FBXL17: variants seen among roughly 807,000 people sequenced by gnomAD.
FBXL17 encodes F-box and leucine rich repeat protein 17, also known as F-box/LRR-repeat protein 17.
In FBXL17, 22 loss-of-function variants were observed where a neutral mutation model predicts 66.2. The observed-to-expected ratio is 0.33, with a 90% CI of 0.24 to 0.47. The LOEUF is 0.47. Among genes scored for constraint, FBXL17 ranks in the 20% least tolerant of loss-of-function variants. The probability of loss-of-function intolerance (pLI) is 1.00; values close to 1 mark genes in which losing one functional copy is unlikely to be tolerated. For synonymous variants in FBXL17, 474 were observed against 400.5 expected (o/e 1.18, Z -2.19); for missense variants, 878 against 948.2 (o/e 0.93, Z 0.97).
At chr5:108,250,135 C>T (rs1165368595) in intron 4 of FBXL17, among the ~76,000 whole-genome samples, 1 of 152,056 alleles carries the variant, frequency 6.6e-6, no homozygotes, top group Non-Finnish European at 1.5e-5. Context: ...GCAACTGCTA[C>T]CAATCAATTT....
At chr5:108,333,618 G>A (rs970608263) in intron 4 of FBXL17, among the ~76,000 whole-genome samples, 6 of 151,928 alleles carry the variant, frequency 3.9e-5, no homozygotes, top group Admixed American at 2.0e-4. Flanking sequence ...CAATATAACT[G>A]AAATTTTTAG....
At chr5:107,959,647 A>G (rs552093557) in intron 7 of FBXL17, among the ~76,000 whole-genome samples, 6 of 152,124 alleles carry the variant, frequency 3.9e-5, no homozygotes, top group Admixed American at 6.5e-5. Context: ...CCCAATGCAT[A>G]AAGTTTTGTC....
chr5:107,993,131 G>A (rs530175016), intron 7 of FBXL17, among the ~76,000 whole-genome samples: 1 of 152,060 alleles, frequency 6.6e-6, no homozygotes, highest in Non-Finnish European at 1.5e-5. Context: ...TCCTGACCTC[G>A]TGATCCACCC....
At chr5:107,952,620 C>A (rs550797521) in intron 7 of FBXL17, among the ~76,000 whole-genome samples, 24 of 152,182 alleles carry the variant, frequency 1.6e-4, no homozygotes, top group African/African-American at 5.8e-4. Flanking sequence ...CTCAGATAAC[C>A]CAATGACGTT....
chr5:107,901,821 G>A (rs1413249428), intron 7 of FBXL17, among the ~76,000 whole-genome samples: 1 of 152,284 alleles, frequency 6.6e-6, no homozygotes, highest in African/African-American at 2.4e-5. Flanking sequence ...GGAGATAATG[G>A]GGAAAGGTAG....
At chr5:107,912,575 C>T (rs1423869058) in intron 7 of FBXL17, among the ~76,000 whole-genome samples, 4 of 152,068 alleles carry the variant, frequency 2.6e-5, no homozygotes, top group Non-Finnish European at 2.9e-5. Context: ...GATATTTACA[C>T]TCTGATACTA....
chr5:108,001,211 C>A (rs772769667), intron 7 of FBXL17, among the ~76,000 whole-genome samples: 2 of 152,150 alleles, frequency 1.3e-5, no homozygotes, highest in South Asian at 2.1e-4. Flanking sequence ...ATGTAAAACA[C>A]CTTCAACTAC....
intron 1 of FBXL17, among the ~76,000 whole-genome samples, chr5:108,375,988 C>T (rs1749397956): frequency 2.6e-5 from 4 of 152,052 alleles, no homozygotes; most frequent in Admixed American, 2.6e-4. Flanking sequence ...ATGTAACACA[C>T]CATATTAATA....
At chr5:108,025,713 ACACACG>A in intron 6 of FBXL17, among the ~76,000 whole-genome samples, 2 of 123,968 alleles carry the variant, frequency 1.6e-5, no homozygotes, top group African/African-American at 7.3e-5. Flanking sequence ...AAACACACAC[ACACACG>A]CGCGCGCGCA....
chr5:108,344,182 G>GT (rs11404041), intron 4 of FBXL17, among the ~76,000 whole-genome samples: 14 of 51,990 alleles, frequency 2.7e-4, no homozygotes, highest in Non-Finnish European at 7.6e-4. Context: ...CTAGGGGGTC[G>GT]GGGGGGAAAG....
intron 7 of FBXL17, among the ~76,000 whole-genome samples, chr5:107,973,354 ATTTTTTTTTT>A (rs200079422): frequency 5.8e-5 from 7 of 120,436 alleles, no homozygotes; most frequent in Admixed American, 2.5e-4. Flanking sequence ...TTTTTTTGTA[ATTTTTTTTTT>A]TTTTTTTTTT....
chr5:108,128,618 A>C (rs1750808577), intron 6 of FBXL17, among the ~76,000 whole-genome samples: 1 of 152,162 alleles, frequency 6.6e-6, no homozygotes, highest in Non-Finnish European at 1.5e-5. Flanking sequence ...ATTTCTGATG[A>C]TTTGTCATGA....
chr5:108,380,803 C>T lies in FBXL17; in HGVS notation c.889G>A (p.Asp297Asn), dbSNP rs899215949. ...TCGGGGGACTCCCGACAGTCCGCGT[C>T]GCCACATTCATGCTGCTGCTGGGCG... is the stretch of plus-strand genomic sequence containing the variant. ...LSAQQQHECG[D>N]ADCRESPENP... The change falls in exon 1 of 9, where the codon GAC becomes AAC. Residue 297 changes from aspartate to asparagine, a missense_variant. By Grantham distance (23) the Asp-to-Asn change is conservative. Coordinates refer to ENST00000542267, the MANE Select transcript of FBXL17 (RefSeq NM_001163315.3). 2.4e-6 allele frequency: 3 copies of T among 1,248,242 alleles called. No homozygotes were observed. Among genetic ancestry groups the T allele is most frequent in the South Asian group, 4.1e-5 (1 of 24,494 alleles). The allele number at this position is 1,248,242 out of a possible 1,614,324, so 77.3% of individuals were successfully genotyped here.
At chr5:107,939,069 T>C (rs1396162034) in intron 7 of FBXL17, among the ~76,000 whole-genome samples, 1 of 152,114 alleles carries the variant, frequency 6.6e-6, no homozygotes, top group Non-Finnish European at 1.5e-5. Context: ...TTCCTGACTA[T>C]GTTCTGGAAG....
At chr5:108,307,922 T>C (rs1758927012) in intron 4 of FBXL17, among the ~76,000 whole-genome samples, 1 of 152,164 alleles carries the variant, frequency 6.6e-6, no homozygotes, top group Non-Finnish European at 1.5e-5. Context: ...TATGTGTATA[T>C]GTAATACACA....
intron 1 of FBXL17, among the ~76,000 whole-genome samples, chr5:108,374,903 G>A (rs1749314721): frequency 6.6e-6 from 1 of 152,000 alleles, no homozygotes; most frequent in Non-Finnish European, 1.5e-5. Context: ...AAAGAAGAAA[G>A]ATCTTGAATT....
At chr5:108,295,221 A>G (rs931946687) in intron 4 of FBXL17, among the ~76,000 whole-genome samples, 3 of 151,916 alleles carry the variant, frequency 2.0e-5, no homozygotes, top group African/African-American at 7.2e-5. Flanking sequence ...TTAATTTGTG[A>G]TATTTTACTA....
rs1035924719 is a variant in FBXL17, at chr5:108,323,749, T to C, written c.1506+24650A>G. ...CGTAGTGCTGGCAAAAAGACAGACA[T>C]AGACCAAATGAAACAATCTAGAAAC... On this transcript the variant is annotated intron_variant, in intron 4 of 8. Transcript: ENST00000542267. 5.9e-5 allele frequency among the ~76,000 whole-genome samples: 9 copies of C among 152,072 alleles called. No homozygotes were observed. The East Asian group carries it at 1.4e-3, about 23-fold the overall frequency.
chr5:108,223,209 G>T (rs1044887397), intron 5 of FBXL17, among the ~76,000 whole-genome samples: 2 of 152,002 alleles, frequency 1.3e-5, no homozygotes, highest in African/African-American at 4.8e-5. Context: ...TCTTCTCCTA[G>T]GGAGTAAAGA....
Sources: allele counts gnomAD v4.1 joint callset (sites outside exome capture counted in the v4.1 genomes callset), GRCh38; gene constraint gnomAD v4.1.1; transcripts MANE v1.5; gene names NCBI Gene and HGNC (gene_info 2026-07-23, HGNC 2026-07-21).